PDC: variants seen among roughly 807,000 people sequenced by gnomAD.
PDC encodes the protein phosducin.
PDC carries 19 observed loss-of-function variants against 22.2 expected under a neutral mutation model. That is an observed-to-expected ratio of 0.86 (90% CI 0.60 to 1.26). The LOEUF (loss-of-function observed/expected upper bound fraction) is 1.26. Among genes scored for constraint, PDC ranks in the 50% most tolerant of loss-of-function variants. The pLI, the probability that PDC is intolerant of heterozygous loss-of-function variation, is 0.00. For synonymous variants in PDC, 97 were observed against 96.2 expected (o/e 1.01, Z -0.05); for missense variants, 274 against 286.8 (o/e 0.96, Z 0.32).
chr1:186,449,416 C>G lies in PDC; in HGVS notation c.44G>C (p.Gly15Ala). The G allele has an allele frequency of 6.2e-7, 1 of 1,606,368 alleles. No individual in the cohort carries two copies. Reference sequence around the variant, plus strand: ...TTGCTTGCCTGTATGTGTGGCCTGTCCTTCAAAGTCTTCCTCCAAACTTTG... The same window carrying G: ...TTGCTTGCCTGTATGTGTGGCCTGTGCTTCAAAGTCTTCCTCCAAACTTTG... ...KSQSLEEDFEGQATHTGPKGV... is the reference protein window; with the variant it reads ...KSQSLEEDFEAQATHTGPKGV... Residue 15 changes from glycine (G) to alanine (A), a missense_variant, in exon 2 of 4, where the codon GGA (glycine) becomes GCA (alanine). By Grantham distance (60) the Gly-to-Ala change is moderately conservative (BLOSUM62 0). Transcript: ENST00000391997.
At chr1:186,445,543 G>T (rs1662208126) in intron 3 of PDC, among the ~76,000 whole-genome samples, 1 of 152,044 alleles carries the variant, frequency 6.6e-6, no homozygotes, top group Admixed American at 6.6e-5. Context: ...CCCGGGATGG[G>T]TATGGGAGCT....
intron 1 of PDC, among the ~76,000 whole-genome samples, chr1:186,455,610 A>G (rs989231161): frequency 6.6e-6 from 1 of 151,616 alleles, no homozygotes; most frequent in African/African-American, 2.4e-5. Flanking sequence ...ACTATTCACT[A>G]GTTCTTTCCA....
At position 186,444,302 on chromosome 1, in the gene PDC, T is replaced by C. The variant is rs766317270; in HGVS notation, c.418A>G (p.Ile140Val). The stretch of plus-strand genomic sequence containing the variant: ...CAACCCTTAATACCATCTTCATAAA[T>C]GTGAACAACAATTGTGGTGATCTTC... ...ELKITTIVVHIYEDGIKGCDA... is the reference protein window; with the variant it reads ...ELKITTIVVHVYEDGIKGCDA... Residue 140 changes from isoleucine to valine, a missense_variant, in exon 4 of 4, where the codon ATT becomes GTT. Physicochemically the swap from Ile to Val is conservative, Grantham distance 29 (BLOSUM62 3). Transcript: ENST00000391997. The C allele has an allele frequency of 6.2e-7, 1 of 1,613,908 alleles. No individual in the cohort carries two copies. Among genetic ancestry groups the C allele is most frequent in the Non-Finnish European group, 8.5e-7 (1 of 1,179,912 alleles).
intron 1 of PDC, among the ~76,000 whole-genome samples, chr1:186,455,841 G>A (rs1470371337): frequency 3.6e-5 from 5 of 139,592 alleles, no homozygotes; most frequent in Admixed American, 7.1e-5. Flanking sequence ...GCGTGGTGGC[G>A]GGTGCCTGTA....
rs557527103 is a variant in PDC at position 186,446,306 on chromosome 1, G to A, written c.213+120C>T. ...GTTCACTTCATTTCCATTTTTTTTTGCCAGCGTAAGCAATATTGTAATGAA... is the reference window on the plus strand; with the variant it reads ...GTTCACTTCATTTCCATTTTTTTTTACCAGCGTAAGCAATATTGTAATGAA... On this transcript the variant is annotated intron_variant, in intron 3 of 3. Coordinates refer to ENST00000391997, the MANE Select transcript of PDC (RefSeq NM_002597.5). 214 of 617,808 alleles carry A rather than the reference G, an allele frequency of 3.5e-4. 1 individual carries two copies. The African/African-American group carries it at 3.8e-3, about 11-fold the overall frequency. 38.3% of individuals were successfully genotyped at this position (617,808 alleles called of 1,614,324 possible).
At chr1:186,460,693 C>A (rs1662564482) in intron 1 of PDC, among the ~76,000 whole-genome samples, 1 of 152,108 alleles carries the variant, frequency 6.6e-6, no homozygotes, top group Non-Finnish European at 1.5e-5. Context: ...AACTTGGGAG[C>A]CAGATCTTCA....
chr1:186,443,780 T>C lies in PDC; in HGVS notation c.*199A>G. The C allele has an allele frequency of 3.7e-6, 2 of 533,472 alleles. No individual in the cohort carries two copies. Among genetic ancestry groups the C allele is most frequent in the Non-Finnish European group, 6.6e-6 (2 of 301,658 alleles). The allele number at this position is 533,472 out of a possible 1,614,324, so 33.0% of individuals were successfully genotyped here. On this transcript the variant is annotated 3_prime_UTR_variant, in exon 4 of 4. Transcript: ENST00000391997. Reference sequence around the variant, plus strand: ...TACTAATAATGTTGCTGAAGACAGCTCTGTTTTGTAGTCAAGCATTGTATC... The same window carrying C: ...TACTAATAATGTTGCTGAAGACAGCCCTGTTTTGTAGTCAAGCATTGTATC...
intron 1 of PDC, among the ~76,000 whole-genome samples, chr1:186,460,644 TC>T (rs34000293): frequency 9.2e-5 from 14 of 152,264 alleles, no homozygotes; most frequent in African/African-American, 3.4e-4. Flanking sequence ...CTGGAACATA[TC>T]CCCCTTGGAT....
At chr1:186,460,902 C>T (rs1318691529) in intron 1 of PDC, among the ~76,000 whole-genome samples, 157 bp downstream of exon 1, 1 of 152,200 alleles carries the variant, frequency 6.6e-6, no homozygotes. Flanking sequence ...GAAGGATACG[C>T]TGTATTTAAT....
At chr1:186,460,072 A>T (rs1223097106) in intron 1 of PDC, among the ~76,000 whole-genome samples, 3 of 152,176 alleles carry the variant, frequency 2.0e-5, no homozygotes, top group African/African-American at 7.2e-5. Context: ...TTAAAAATTA[A>T]AAACCACCAA....
intron 2 of PDC, among the ~76,000 whole-genome samples, chr1:186,447,170 A>T (rs1295934284): frequency 6.6e-6 from 1 of 151,032 alleles, no homozygotes; most frequent in African/African-American, 2.4e-5. Flanking sequence ...TTTTTTTGAG[A>T]TGGAGCCTTG....
chr1:186,450,106 T>C (rs1382552008), intron 1 of PDC, among the ~76,000 whole-genome samples: 2 of 152,164 alleles, frequency 1.3e-5, no homozygotes, highest in Admixed American at 6.5e-5. Flanking sequence ...ATTTTCTGAC[T>C]TTGGAGCCAA....
chr1:186,455,822 A>ATAAAAAAAAAAAAAT (rs1662452357), intron 1 of PDC, among the ~76,000 whole-genome samples: 1 of 139,444 alleles, frequency 7.2e-6, no homozygotes. Context: ...AAAAAAAAAA[A>ATAAAAAAAAAAAAAT]TTAGCCGGGC....
chr1:186,446,321 A>T, intron 3 of PDC, 105 bp downstream of exon 3: 1 of 853,628 alleles, frequency 1.2e-6, no homozygotes, highest in Non-Finnish European at 1.7e-6. Flanking sequence ...CGTAAGCAAT[A>T]TTGTAATGAA....
chr1:186,449,838 T>C (rs977346930), intron 1 of PDC, among the ~76,000 whole-genome samples: 4 of 152,104 alleles, frequency 2.6e-5, no homozygotes, highest in Non-Finnish European at 5.9e-5. Context: ...ATGTGAAATT[T>C]GAATATATGA....
chr1:186,449,456 C>A lies in PDC; in HGVS notation c.4G>T (p.Glu2Ter), dbSNP rs761463580. The change falls in exon 2 of 4, where the codon GAA (glutamate) becomes TAA (stop). Residue 2 changes from glutamate to a stop codon, truncating the protein, a stop_gained. Transcript: ENST00000391997. LOFTEE classifies it high-confidence loss of function. M[E>*]EAKSQSLEED... ...TCCAAACTTTGGCTTTTGGCTTCTTCCATTTTAGGGACTGGATTTGATATA... is the reference window on the plus strand; with the variant it reads ...TCCAAACTTTGGCTTTTGGCTTCTTACATTTTAGGGACTGGATTTGATATA... 1 of 1,596,298 alleles carries A rather than the reference C, an allele frequency of 6.3e-7. No individual in the cohort carries two copies. The highest frequency in any genetic ancestry group is 8.6e-7 in the Non-Finnish European group (1 of 1,165,788).
rs3737066 is a variant in PDC at position 186,449,233 on chromosome 1, T to A, written c.61+166A>T. Among the ~76,000 whole-genome samples the A allele has an allele frequency of 9.7e-4, 148 of 152,238 alleles. 5 individuals carry two copies. The East Asian group carries it at 0.025, about 26-fold the overall frequency. ...TCTAAATAAAACTGTTAGGAATTAT[T>A]TGATTTCAAAAATTAATTTGCCCGC... On this transcript the variant is annotated intron_variant, in intron 2 of 3. Transcript: ENST00000391997.
chr1:186,460,181 T>C (rs901814072), intron 1 of PDC, among the ~76,000 whole-genome samples: 1 of 152,194 alleles, frequency 6.6e-6, no homozygotes, highest in African/African-American at 2.4e-5. Context: ...AGGTTTTTCT[T>C]TCTGTGATTA....
chr1:186,446,341 T>G (rs1662227041), intron 3 of PDC, 85 bp downstream of exon 3: 2 of 1,028,760 alleles, frequency 1.9e-6, no homozygotes, highest in South Asian at 2.1e-5. Flanking sequence ...ATATATTTTG[T>G]AATAGTCTAA....
Sources: allele counts gnomAD v4.1 joint callset (sites outside exome capture counted in the v4.1 genomes callset), GRCh38; gene constraint gnomAD v4.1.1; transcripts MANE v1.5; gene names NCBI Gene and HGNC (gene_info 2026-07-23, HGNC 2026-07-21).